The following BUD13 variants were observed in gnomAD, a reference collection of about 807,000 sequenced individuals.
The protein encoded by BUD13 is BUD13 spliceosome associated protein, also known as BUD13 homolog.
A neutral mutation model predicts 62.5 loss-of-function variants in BUD13; 47 were observed. That is an observed-to-expected ratio of 0.75 (90% CI 0.60 to 0.96). BUD13 has a LOEUF of 0.96. Ranked by LOEUF, BUD13 falls within the 40% of genes least tolerant of loss-of-function variation. The pLI is 0.00. For synonymous variants in BUD13, 293 were observed against 280.1 expected, an observed-to-expected ratio of 1.05 and a Z score of -0.46; for missense variants, 821 against 790.9, an observed-to-expected ratio of 1.04 and a Z score of -0.46.
At chr11:116,770,249 G>C in intron 1 of BUD13, 27 bp from the exon 2 acceptor site, 3 of 1,576,790 alleles carry the variant, frequency 1.9e-6, no homozygotes, top group Non-Finnish European at 2.6e-6. Context: ...AGATCAAAAA[G>C]AGTCATTCTA....
chr11:116,754,895 T>G (rs182636508), intron 9 of BUD13, among the ~76,000 whole-genome samples: 77 of 152,320 alleles, frequency 5.1e-4, no homozygotes, highest in African/African-American at 1.7e-3. Context: ...GGAAAACAAC[T>G]GACAATACAG....
At position 116,760,938 on chromosome 11, in the gene BUD13, C is replaced by T; in HGVS notation, c.1051G>A (p.Ala351Thr). The change falls in exon 5 of 10, where the codon GCA (alanine) becomes ACA (threonine). Residue 351 changes from alanine to threonine, a missense_variant. By Grantham distance (58) the Ala-to-Thr change is moderately conservative. Transcript: ENST00000260210. Reference sequence around the variant, plus strand: ...GGAGAAGAAAGGTCTGAATCAGTTGCTTTCTGGCAGTCACCTGGATAGGAG... The same window carrying T: ...GGAGAAGAAAGGTCTGAATCAGTTGTTTTCTGGCAGTCACCTGGATAGGAG... ...QLDSKGDCQKATDSDLSSPRH... is the reference protein window; with the variant it reads ...QLDSKGDCQKTTDSDLSSPRH... 1 of 1,614,136 alleles carries T rather than the reference C, an allele frequency of 6.2e-7. No individual in the cohort carries two copies. The highest frequency in any genetic ancestry group is 8.5e-7 in the Non-Finnish European group (1 of 1,179,998).
In BUD13 at chr11:116,763,021, G is replaced by C. The variant is rs760162681; in HGVS notation, c.568C>G (p.Pro190Ala). 36 of 1,613,426 alleles carry C rather than the reference G, an allele frequency of 2.2e-5. 1 individual carries two copies. The highest frequency in any genetic ancestry group is 1.6e-4 in the Middle Eastern group (1 of 6,080). Reference sequence around the variant, plus strand: ...GGAGAATCATGACGGGCCCTCCTTGGGGGTGAAGTGTCTGAGGAGTCATGA... The same window carrying C: ...GGAGAATCATGACGGGCCCTCCTTGCGGGTGAAGTGTCTGAGGAGTCATGA... ...IRHDSSDTSP[P>A]RRARHDSPDP... Residue 190 changes from proline (P) to alanine (A), a missense_variant, in exon 4 of 10, where the codon CCA (proline) becomes GCA (alanine). Coordinates refer to ENST00000260210, the MANE Select transcript of BUD13 (RefSeq NM_032725.4).
rs1940598667 is a variant in BUD13, at chr11:116,770,178, G to T, written c.188C>A (p.Thr63Lys). 6.2e-7 allele frequency: 1 copy of T among 1,613,344 alleles called. No homozygotes were observed. Among genetic ancestry groups the T allele is most frequent in the Non-Finnish European group, 8.5e-7 (1 of 1,179,644 alleles). Residue 63 changes from threonine to lysine, a missense_variant, in exon 2 of 10, where the codon ACA (threonine) becomes AAA (lysine). Coordinates refer to ENST00000260210, the MANE Select transcript of BUD13 (RefSeq NM_032725.4). ...CTCTTCCTCCTTTTCTAGTTTGGTT[G>T]TGGAGATAGCTGTCCAGCTCACATC... is the stretch of plus-strand genomic sequence containing the variant. ...DDDVSWTAIS[T>K]TKLEKEEEED...
chr11:116,772,854 C>CT lies in BUD13; in HGVS notation c.110dup (p.Arg38AlafsTer17). ...CGCCGGCCCCGCCAGGCTTCGGCCG[C>CT]TTTTTGCGACGCTTGCGACCGGACT... is the stretch of plus-strand genomic sequence containing the variant. On this transcript the variant is annotated frameshift_variant, in exon 1 of 10. Coordinates refer to ENST00000260210, the MANE Select transcript of BUD13 (RefSeq NM_032725.4). LOFTEE classifies it high-confidence loss of function. The CT allele has an allele frequency of 6.3e-7, 1 of 1,589,714 alleles. No homozygotes were observed. Among genetic ancestry groups the CT allele is most frequent in the Non-Finnish European group, 8.5e-7 (1 of 1,169,978 alleles).
At chr11:116,753,407 C>T (rs950329633) in intron 9 of BUD13, among the ~76,000 whole-genome samples, 2 of 152,128 alleles carry the variant, frequency 1.3e-5, no homozygotes, top group African/African-American at 4.8e-5. Context: ...CAGCTAGAAA[C>T]TAAAAGAACT....
At chr11:116,770,073 A>AAC in intron 2 of BUD13, 56 bp downstream of exon 2, 1 of 1,352,476 alleles carries the variant, frequency 7.4e-7, no homozygotes, top group East Asian at 2.4e-5. Flanking sequence ...AAAAAAAAAA[A>AAC]GGAAATTGAG....
At chr11:116,759,244 C>T (rs542102275) in intron 5 of BUD13, 65 bp from the exon 6 acceptor site, 13 of 1,113,506 alleles carry the variant, frequency 1.2e-5, no homozygotes, top group East Asian at 4.7e-5. Context: ...TCCATGGGTA[C>T]ACAGTTAGTT....
chr11:116,756,785 T>C (rs1940333597), intron 9 of BUD13, among the ~76,000 whole-genome samples: 1 of 152,058 alleles, frequency 6.6e-6, no homozygotes, highest in South Asian at 2.1e-4. Flanking sequence ...GAATAAAGAT[T>C]CAGAGGCTAC....
At chr11:116,765,799 T>C (rs959054337) in intron 2 of BUD13, among the ~76,000 whole-genome samples, 6 of 152,216 alleles carry the variant, frequency 3.9e-5, no homozygotes, top group Non-Finnish European at 7.3e-5. Context: ...AGTGGAAACA[T>C]AGGTGGCTCC....
At chr11:116,753,214 G>A (rs1940269627) in intron 9 of BUD13, among the ~76,000 whole-genome samples, 1 of 152,196 alleles carries the variant, frequency 6.6e-6, no homozygotes, top group African/African-American at 2.4e-5. Flanking sequence ...CAGGCTTACT[G>A]GCTTGAGGAA....
chr11:116,771,201 T>G (rs1055215820), intron 1 of BUD13, among the ~76,000 whole-genome samples: 2 of 152,352 alleles, frequency 1.3e-5, no homozygotes, highest in South Asian at 4.1e-4. Flanking sequence ...CTAAGAACCC[T>G]TGTTAAAAAC....
At chr11:116,760,302 TAAAG>T (rs1236566364) in intron 5 of BUD13, among the ~76,000 whole-genome samples, 1 of 152,190 alleles carries the variant, frequency 6.6e-6, no homozygotes, top group Middle Eastern at 3.2e-3. Context: ...AATTTACAGA[TAAAG>T]AAACTGAGGT....
chr11:116,755,406 C>T (rs983118355), intron 9 of BUD13, among the ~76,000 whole-genome samples: 3 of 152,072 alleles, frequency 2.0e-5, no homozygotes, highest in African/African-American at 7.2e-5. Flanking sequence ...TTACAAATGA[C>T]CAATGCATGA....
At chr11:116,749,805 T>C (rs534186136) in intron 9 of BUD13, among the ~76,000 whole-genome samples, 1 of 152,202 alleles carries the variant, frequency 6.6e-6, no homozygotes, top group East Asian at 1.9e-4. Context: ...ATCACTGCAA[T>C]GGTCCAGGCA....
chr11:116,750,653 G>A (rs559252717), intron 9 of BUD13, among the ~76,000 whole-genome samples: 16 of 152,276 alleles, frequency 1.1e-4, no homozygotes, highest in African/African-American at 3.4e-4. Context: ...ATTACTTTCA[G>A]CCTGAGCTAC....
chr11:116,767,498 C>G (rs566626630), intron 2 of BUD13, among the ~76,000 whole-genome samples: 1 of 143,584 alleles, frequency 7.0e-6, no homozygotes, highest in Non-Finnish European at 1.5e-5. Context: ...GAGGCTGAGG[C>G]AGGAGAATGG....
At chr11:116,758,996 T>C (rs1940382906) in intron 6 of BUD13, 78 bp downstream of exon 6, 25 of 1,032,330 alleles carry the variant, frequency 2.4e-5, no homozygotes, top group Non-Finnish European at 3.2e-5. Flanking sequence ...AAGTTCAAAA[T>C]ATCAGGTACA....
intron 3 of BUD13, 108 bp downstream of exon 3, chr11:116,765,254 A>T: frequency 8.5e-7 from 1 of 1,174,780 alleles, no homozygotes; most frequent in Non-Finnish European, 1.2e-6. Context: ...TTTCAGGATC[A>T]ATGACATGCT....
Sources: allele counts gnomAD v4.1 joint callset (sites outside exome capture counted in the v4.1 genomes callset), GRCh38; gene constraint gnomAD v4.1.1; transcripts MANE v1.5; gene names NCBI Gene and HGNC (gene_info 2026-07-23, HGNC 2026-07-21).